The following CPLANE1 variants were observed in gnomAD, a reference collection of about 807,000 sequenced individuals.
CPLANE1 encodes the protein ciliogenesis and planar polarity effector 1.
CPLANE1 carries 263 observed loss-of-function variants against 362.5 expected under a neutral mutation model. The ratio of observed to expected loss-of-function variants is 0.73; its 90% CI spans 0.66 to 0.80. The LOEUF is 0.80. Among genes scored for constraint, CPLANE1 ranks in the 30% least tolerant of loss-of-function variants. The probability of loss-of-function intolerance (pLI) is 0.00; values close to 1 mark genes in which losing one functional copy is unlikely to be tolerated. For missense variants in CPLANE1, 3,461 were observed against 3,793.4 expected (o/e 0.91, Z 2.30); for synonymous variants, 1,212 against 1,302.6 (o/e 0.93, Z 1.50).
intron 47 of CPLANE1, among the ~76,000 whole-genome samples, chr5:37,123,409 A>C (rs1763210554): frequency 6.6e-6 from 1 of 152,246 alleles, no homozygotes; most frequent in African/African-American, 2.4e-5. Flanking sequence ...ATTCAAATGA[A>C]AATTTTAATT....
intron 26 of CPLANE1, 33 bp downstream of exon 26, chr5:37,182,727 C>A: frequency 7.7e-7 from 1 of 1,292,860 alleles, no homozygotes; most frequent in South Asian, 1.3e-5. Flanking sequence ...TGAGAATTCT[C>A]ATTTGTAAGT....
intron 31 of CPLANE1, among the ~76,000 whole-genome samples, chr5:37,174,379 C>T (rs2151015143): frequency 6.6e-6 from 1 of 152,216 alleles, no homozygotes; most frequent in South Asian, 2.1e-4. Context: ...TACGGAAAAA[C>T]TGGGTTTAAA....
Position 37,122,484 on chromosome 5 carries a change from T to G in CPLANE1, c.8963A>C (p.Tyr2988Ser). 1 of 1,609,170 alleles carries G rather than the reference T, an allele frequency of 6.2e-7. No homozygotes were observed. The highest frequency in any genetic ancestry group is 1.3e-5 in the African/African-American group (1 of 74,752). ...CAGCCTTATTTCCCTTGAAGTCATG[T>G]AAAGCTGCATAAAAAATACCCAGTT... ...DPFCPRSNPL[Y>S]MTSREIRLRQ... The change falls in exon 48 of 53, where the codon TAC becomes TCC. Residue 2988 changes from tyrosine to serine, a missense_variant. Physicochemically the swap from Tyr to Ser is moderately radical, Grantham distance 144 (BLOSUM62 -2). This residue lies in a region of CPLANE1 where 3,380 missense variants were observed against 3,666.1 expected (regional missense o/e 0.92). Transcript: ENST00000651892.
intron 46 of CPLANE1, among the ~76,000 whole-genome samples, chr5:37,132,228 T>C (rs1330931054): frequency 6.6e-6 from 1 of 152,146 alleles, no homozygotes; most frequent in African/African-American, 2.4e-5. Context: ...AATGAGGTCT[T>C]ATAAGTTCAA....
At chr5:37,157,144 T>C (rs1355892282) in intron 41 of CPLANE1, among the ~76,000 whole-genome samples, 169 bp downstream of exon 41, 2 of 151,184 alleles carry the variant, frequency 1.3e-5, no homozygotes, top group African/African-American at 4.8e-5. Context: ...ATATCCATGG[T>C]TCCCAGCTTT....
intron 46 of CPLANE1, among the ~76,000 whole-genome samples, chr5:37,137,169 A>T (rs1207255585): frequency 6.6e-6 from 1 of 152,104 alleles, no homozygotes; most frequent in Non-Finnish European, 1.5e-5. Context: ...CTTCCACTGG[A>T]TACCCTAAAT....
intron 9 of CPLANE1, 44 bp downstream of exon 9, chr5:37,230,823 G>GA (rs149655109): frequency 9.9e-6 from 13 of 1,313,684 alleles, no homozygotes; most frequent in South Asian, 4.5e-5. Flanking sequence ...ATACAAAACA[G>GA]AAAAAAAATC....
chr5:37,168,877 G>T lies in CPLANE1; in HGVS notation c.7147C>A (p.Pro2383Thr), dbSNP rs1190298820. ...PSTSRASITV[P>T]STPIQPIAEE... ...GCTATAGGTTGGATAGGTGTTGAGG[G>T]AACTGTAATAGATGCTCTTGAGGTT... Residue 2383 changes from proline (P) to threonine (T), a missense_variant, in exon 34 of 53, where the codon CCC (proline) becomes ACC (threonine). Physicochemically the swap from Pro to Thr is conservative, Grantham distance 38. Coordinates refer to ENST00000651892, the MANE Select transcript of CPLANE1 (RefSeq NM_001384732.1). 3 of 1,613,992 alleles carry T rather than the reference G, an allele frequency of 1.9e-6. No homozygotes were observed. In the East Asian group the frequency reaches 6.7e-5, roughly 36 times the overall value.
intron 16 of CPLANE1, chr5:37,212,507 A>C (rs1792900110): frequency 3.4e-6 from 2 of 592,190 alleles, no homozygotes; most frequent in South Asian, 1.8e-5. Context: ...AAAAAAAAAA[A>C]AAGAAAGAAA....
At chr5:37,184,723 T>C (rs976800574) in intron 25 of CPLANE1, 65 bp downstream of exon 25, 2 of 1,433,862 alleles carry the variant, frequency 1.4e-6, no homozygotes, top group African/African-American at 2.8e-5. Context: ...AATCAGCTCA[T>C]CAGATGCCTG....
chr5:37,106,941 A>C lies in CPLANE1; in HGVS notation c.*661T>G, dbSNP rs886060569. Reference sequence around the variant, plus strand: ...CTGTACCATGGTTCTTACAAATTTAAGATGAGCCTTCTAGAGGCCGGAGTC... The same window carrying C: ...CTGTACCATGGTTCTTACAAATTTACGATGAGCCTTCTAGAGGCCGGAGTC... On this transcript the variant is annotated 3_prime_UTR_variant, in exon 53 of 53. Transcript: ENST00000651892. 3.5e-5 allele frequency: 34 copies of C among 985,448 alleles called. 1 individual carries two copies. The South Asian group carries it at 1.3e-3, about 38-fold the overall frequency. 61.0% of individuals were successfully genotyped at this position (985,448 alleles called of 1,614,324 possible). A position where few individuals can be genotyped will look rare whatever the true frequency, so the allele number is the denominator to read the frequency against.
chr5:37,226,002 G>C (rs745807941), intron 12 of CPLANE1, among the ~76,000 whole-genome samples: 28 of 151,528 alleles, frequency 1.8e-4, no homozygotes, highest in Admixed American at 2.0e-4. Flanking sequence ...CAAACTAAAA[G>C]TGTATACATT....
intron 44 of CPLANE1, 165 bp downstream of exon 44, chr5:37,142,145 C>T (rs1008743245): frequency 5.7e-6 from 7 of 1,228,616 alleles, no homozygotes; most frequent in East Asian, 3.2e-5. Flanking sequence ...CAAGATGTCA[C>T]AGTTCTTCAT....
chr5:37,173,772 T>C lies in CPLANE1; in HGVS notation c.6154A>G (p.Met2052Val). 6.2e-7 allele frequency: 1 copy of C among 1,614,114 alleles called. No homozygotes were observed. Among genetic ancestry groups the C allele is most frequent in the Non-Finnish European group, 8.5e-7 (1 of 1,179,986 alleles). Reference sequence around the variant, plus strand: ...GTGCTTACCTGAACTAATTTAAACATTTCATCTTGCAGCATCTGCCTAACG... The same window carrying C: ...GTGCTTACCTGAACTAATTTAAACACTTCATCTTGCAGCATCTGCCTAACG... ...ESVRQMLQDEMFKLVQLQQIN... is the reference protein window; with the variant it reads ...ESVRQMLQDEVFKLVQLQQIN... Residue 2052 changes from methionine (M) to valine (V), a missense_variant, in exon 32 of 53, where the codon ATG (methionine) becomes GTG (valine). Transcript: ENST00000651892.
At chr5:37,130,552 T>C (rs1482657721) in intron 46 of CPLANE1, 1 of 204,796 alleles carries the variant, frequency 4.9e-6, no homozygotes, top group Non-Finnish European at 1.1e-5. Flanking sequence ...ATAAATGTTA[T>C]GAATGATGAA....
In CPLANE1 at chr5:37,106,973, C is replaced by T. The variant is rs766178772; in HGVS notation, c.*629G>A. 1.1e-5 allele frequency: 11 copies of T among 985,368 alleles called. No homozygotes were observed. Among genetic ancestry groups the T allele is most frequent in the South Asian group, 4.7e-5 (1 of 21,280 alleles). The allele number at this position is 985,368 out of a possible 1,614,324, so 61.0% of individuals were successfully genotyped here. A position where few individuals can be genotyped will look rare whatever the true frequency, so the allele number is the denominator to read the frequency against. The stretch of plus-strand genomic sequence containing the variant: ...CCTTCTAGAGGCCGGAGTCATATTC[C>T]CTTACTTTCCTGCCCAAAGCATCCA... On this transcript the variant is annotated 3_prime_UTR_variant, in exon 53 of 53. Transcript: ENST00000651892.
rs185265517 is a variant in CPLANE1, at chr5:37,138,004, G to T, written c.8792+716C>A. On this transcript the variant is annotated intron_variant, in intron 46 of 52. Transcript: ENST00000651892. ...AGTATATTCTGTGTGCAGATGAAAA[G>T]AATGTATATTCTGTGGTTGATGGGT... Among the ~76,000 whole-genome samples, 6 of 151,804 alleles carry T rather than the reference G, an allele frequency of 4.0e-5. No homozygotes were observed. In the East Asian group the frequency reaches 1.2e-3, roughly 30 times the overall value.
chr5:37,186,974 T>C (rs1784184397), intron 23 of CPLANE1, among the ~76,000 whole-genome samples: 1 of 139,668 alleles, frequency 7.2e-6, no homozygotes, highest in Admixed American at 8.3e-5. Flanking sequence ...GGCAGGAGAA[T>C]GGCGTGAACC....
At chr5:37,173,678 T>C in intron 32 of CPLANE1, 77 bp downstream of exon 32, 1 of 1,202,414 alleles carries the variant, frequency 8.3e-7, no homozygotes, top group Non-Finnish European at 1.2e-6. Context: ...TGTCAATTTC[T>C]GGAAATCTAT....
Sources: gnomAD v4.1 joint callset for allele counts (sites outside exome capture counted in the v4.1 genomes callset) on GRCh38, gnomAD v4.1.1 for gene constraint, gnomAD v4.1.1 regional missense constraint, MANE v1.5 for transcripts, NCBI Gene and HGNC (gene_info 2026-07-23, HGNC 2026-07-21) for gene names.